Variants in COL11A1 observed in about 807,000 individuals in gnomAD.
The protein encoded by COL11A1 is collagen type XI alpha 1 chain.
COL11A1 carries 74 observed loss-of-function variants against 265.2 expected under a neutral mutation model. That is an observed-to-expected ratio of 0.28 (90% CI 0.23 to 0.34). COL11A1 has a LOEUF of 0.34. Among genes scored for constraint, COL11A1 ranks in the 10% least tolerant of loss-of-function variants. The probability of loss-of-function intolerance (pLI) is 1.00; values close to 1 mark genes in which losing one functional copy is unlikely to be tolerated. For synonymous variants in COL11A1, 816 were observed against 727.6 expected (o/e 1.12, Z -1.96); for missense variants, 2,165 against 2,263.6 (o/e 0.96, Z 0.88).
chr1:102,913,582 T>G, intron 53 of COL11A1, 55 bp downstream of exon 53: 1 of 1,475,698 alleles, frequency 6.8e-7, no homozygotes. Context: ...ATTATCTCAT[T>G]AAAATGCCTT....
At chr1:102,974,624 A>T (rs1662289816) in intron 36 of COL11A1, among the ~76,000 whole-genome samples, 1 of 152,200 alleles carries the variant, frequency 6.6e-6, no homozygotes, top group South Asian at 2.1e-4. Flanking sequence ...ACTGTCAAAA[A>T]ATACTTAATA....
intron 46 of COL11A1, among the ~76,000 whole-genome samples, chr1:102,924,458 A>G (rs1299201085): frequency 6.6e-6 from 1 of 152,204 alleles, no homozygotes; most frequent in Non-Finnish European, 1.5e-5. Context: ...AATACTTTGT[A>G]CATACTTCAA....
rs1649997772 is a variant in COL11A1 at position 102,879,798 on chromosome 1, C to A, written c.5159G>T (p.Trp1720Leu). Residue 1720 changes from tryptophan to leucine, a missense_variant, in exon 66 of 67, where the codon TGG (tryptophan) becomes TTG (leucine). By Grantham distance (61) the Trp-to-Leu change is moderately conservative. Coordinates refer to ENST00000370096, the MANE Select transcript of COL11A1 (RefSeq NM_001854.4). ...ATAACTTCCTGATGACACATCATAC[C>A]AGGCTGCTGACTGATGACAGTGGTA... ...FTYHCHQSAAWYDVSSGSYDK... is the reference protein window; with the variant it reads ...FTYHCHQSAALYDVSSGSYDK... 1 of 1,613,834 alleles carries A rather than the reference C, an allele frequency of 6.2e-7. No homozygotes were observed. Among genetic ancestry groups the A allele is most frequent in the South Asian group, 1.1e-5 (1 of 91,082 alleles).
intron 38 of COL11A1, among the ~76,000 whole-genome samples, chr1:102,964,587 G>GGTGTGTGTGTGT (rs10627254): frequency 2.0e-5 from 3 of 149,422 alleles, no homozygotes; most frequent in African/African-American, 4.9e-5. Context: ...TTTCTCTAGG[G>GGTGTGTGTGTGT]GTGTGTGTGT....
intron 2 of COL11A1, among the ~76,000 whole-genome samples, chr1:103,080,485 G>A (rs550322639): frequency 6.6e-6 from 1 of 151,798 alleles, no homozygotes; most frequent in South Asian, 2.1e-4. Flanking sequence ...AAAAAAACAA[G>A]TAATCCAATT....
rs17101122 is a variant in COL11A1 at position 103,091,832 on chromosome 1, C to A, written c.107-8860G>T. On this transcript the variant is annotated intron_variant, in intron 1 of 66. Coordinates refer to ENST00000370096, the MANE Select transcript of COL11A1 (RefSeq NM_001854.4). The stretch of plus-strand genomic sequence containing the variant: ...TTCATATTCAAACAGTGAAGAGCAC[C>A]AAACTGAGAATGACATAAGAAAGAC... Among the ~76,000 whole-genome samples, 728 of 151,944 alleles carry A rather than the reference C, an allele frequency of 4.8e-3. 39 individuals carry two copies. In the East Asian group the frequency reaches 0.11, roughly 23 times the overall value.
intron 4 of COL11A1, among the ~76,000 whole-genome samples, chr1:103,057,330 AG>A (rs1196188155): frequency 6.6e-6 from 1 of 152,186 alleles, no homozygotes; most frequent in Non-Finnish European, 1.5e-5. Flanking sequence ...ACAGCAGTTC[AG>A]TTACATCCTT....
chr1:103,045,803 G>C lies in COL11A1; in HGVS notation c.652-14559C>G, dbSNP rs371701885. Among the ~76,000 whole-genome samples the C allele has an allele frequency of 8.3e-5, 12 of 145,134 alleles. No homozygotes were observed. The South Asian group carries it at 1.5e-3, about 18-fold the overall frequency. ...CCCACAACAGTCCCCGGTGTGTGAC[G>C]TTCCCCTTCCTGTGTCCATGTGTTC... On this transcript the variant is annotated intron_variant, in intron 4 of 66. Coordinates refer to ENST00000370096, the MANE Select transcript of COL11A1 (RefSeq NM_001854.4).
At chr1:102,933,545 T>C (rs2101196635) in intron 46 of COL11A1, among the ~76,000 whole-genome samples, 1 of 152,288 alleles carries the variant, frequency 6.6e-6, no homozygotes, top group Non-Finnish European at 1.5e-5. Flanking sequence ...TTGTCTTGTT[T>C]GTCAGTGCTC....
At chr1:102,928,274 C>A (rs1380594569) in intron 46 of COL11A1, among the ~76,000 whole-genome samples, 5 of 151,186 alleles carry the variant, frequency 3.3e-5, no homozygotes, top group Non-Finnish European at 5.9e-5. Flanking sequence ...CCACAGTCCC[C>A]AGAGTGTGAT....
At chr1:103,005,763 T>G in intron 18 of COL11A1, 75 bp downstream of exon 18, 1 of 1,562,336 alleles carries the variant, frequency 6.4e-7, no homozygotes, top group Non-Finnish European at 8.8e-7. Context: ...CTTCTTTTTC[T>G]GATTTTGCAA....
chr1:102,911,361 A>T (rs1005180730), intron 54 of COL11A1, among the ~76,000 whole-genome samples: 1 of 152,184 alleles, frequency 6.6e-6, no homozygotes, highest in Non-Finnish European at 1.5e-5. Context: ...TACCCCTGAA[A>T]TAAAGATACC....
At chr1:102,915,131 TG>T (rs1348176029) in intron 50 of COL11A1, among the ~76,000 whole-genome samples, 1 of 152,118 alleles carries the variant, frequency 6.6e-6, no homozygotes, top group Non-Finnish European at 1.5e-5. Flanking sequence ...ATTTTTGCTG[TG>T]GGGAGCTGTT....
chr1:103,099,450 A>T (rs565657178), intron 1 of COL11A1, among the ~76,000 whole-genome samples: 75 of 147,960 alleles, frequency 5.1e-4, no homozygotes, highest in African/African-American at 1.8e-3. Context: ...ACACACATCC[A>T]TACATTATAT....
At chr1:102,976,994 A>G (rs1323234281) in intron 35 of COL11A1, among the ~76,000 whole-genome samples, 2 of 152,164 alleles carry the variant, frequency 1.3e-5, no homozygotes, top group African/African-American at 4.8e-5. Flanking sequence ...AAGTTTATGT[A>G]TACATATATA....
At chr1:103,028,536 T>C (rs931862834) in intron 5 of COL11A1, among the ~76,000 whole-genome samples, 4 of 152,060 alleles carry the variant, frequency 2.6e-5, no homozygotes, top group African/African-American at 9.6e-5. Context: ...TTGAGACAAG[T>C]AGAGAAAAAA....
chr1:103,022,633 T>A, intron 8 of COL11A1, 109 bp downstream of exon 8: 1 of 1,370,684 alleles, frequency 7.3e-7, no homozygotes, highest in Admixed American at 1.8e-5. Context: ...ATAATTTACA[T>A]AAAAATTCAA....
chr1:102,940,411 A>T lies in COL11A1; in HGVS notation c.3300T>A (p.Pro1100=). The T allele has an allele frequency of 6.2e-7, 1 of 1,613,960 alleles. No homozygotes were observed. Residue 1100 remains proline, a synonymous_variant, in exon 43 of 67, where the codon CCT becomes CCA. Transcript: ENST00000370096. ...GACCTTGAACTCCATCTCTCCCTGC[A>T]GGCCCTTGGGGACCTTTTTCTCCCT... The part of the protein sequence containing the change: ...GAPGEKGPQG[P]AGRDGVQGPV...
At chr1:102,994,011 T>C (rs541659709) in intron 28 of COL11A1, among the ~76,000 whole-genome samples, 1 of 152,186 alleles carries the variant, frequency 6.6e-6, no homozygotes, top group Admixed American at 6.5e-5. Flanking sequence ...GTGAAATGCA[T>C]GGCCTTTTTC....
Sources: allele counts gnomAD v4.1 joint callset (sites outside exome capture counted in the v4.1 genomes callset), GRCh38; gene constraint gnomAD v4.1.1; transcripts MANE v1.5; gene names NCBI Gene and HGNC (gene_info 2026-07-23, HGNC 2026-07-21).